The following TEAD1 variants were observed in gnomAD, a reference collection of about 807,000 sequenced individuals.
The protein encoded by TEAD1 is transcriptional enhancer factor TEF-1.
A neutral mutation model predicts 54.9 loss-of-function variants in TEAD1; 9 were observed. That is an observed-to-expected ratio of 0.16 (90% CI 0.10 to 0.29). The LOEUF (loss-of-function observed/expected upper bound fraction) is 0.29. Among genes scored for constraint, TEAD1 ranks in the 10% least tolerant of loss-of-function variants. TEAD1 has a pLI of 1.00. For missense variants in TEAD1, 387 were observed against 535.9 expected (o/e 0.72, Z 2.74); for synonymous variants, 200 against 187.8 (o/e 1.07, Z -0.53).
chr11:12,733,135 G>A (rs906492081), intron 2 of TEAD1, among the ~76,000 whole-genome samples: 2 of 152,226 alleles, frequency 1.3e-5, no homozygotes, highest in African/African-American at 4.8e-5. Context: ...TGTTAAAGGA[G>A]AGTAATACTA....
chr11:12,905,336 A>G (rs1589977065), intron 10 of TEAD1, among the ~76,000 whole-genome samples: 1 of 152,170 alleles, frequency 6.6e-6, no homozygotes, highest in Admixed American at 6.5e-5. Context: ...AGCTGTTGGG[A>G]GATGTGCAAA....
intron 3 of TEAD1, among the ~76,000 whole-genome samples, chr11:12,805,181 G>T (rs919533490): frequency 7.9e-5 from 12 of 152,202 alleles, no homozygotes; most frequent in African/African-American, 2.7e-4. Flanking sequence ...AAAATTTCCA[G>T]TCATGAAAAT....
At chr11:12,688,418 T>C (rs1240410797) in intron 2 of TEAD1, among the ~76,000 whole-genome samples, 1 of 152,232 alleles carries the variant, frequency 6.6e-6, no homozygotes, top group African/African-American at 2.4e-5. Flanking sequence ...CTGGTGTCTC[T>C]CAGCTAAAAG....
At chr11:12,894,820 C>T (rs538257328) in intron 9 of TEAD1, among the ~76,000 whole-genome samples, 5 of 152,230 alleles carry the variant, frequency 3.3e-5, no homozygotes, top group Admixed American at 2.0e-4. Flanking sequence ...ATGATTCTTC[C>T]GGAAAGTAAT....
intron 9 of TEAD1, among the ~76,000 whole-genome samples, chr11:12,888,868 C>T (rs1170708265): frequency 6.6e-6 from 1 of 152,142 alleles, no homozygotes. Flanking sequence ...GCTATACGGT[C>T]CATTTGTAGC....
At chr11:12,708,745 A>G (rs1255142905) in intron 2 of TEAD1, among the ~76,000 whole-genome samples, 1 of 152,184 alleles carries the variant, frequency 6.6e-6, no homozygotes, top group Non-Finnish European at 1.5e-5. Context: ...GTAAAACCAT[A>G]CAGTGGAATA....
intron 2 of TEAD1, among the ~76,000 whole-genome samples, chr11:12,687,736 G>A (rs977930112): frequency 1.3e-5 from 2 of 152,062 alleles, no homozygotes; most frequent in African/African-American, 4.8e-5. Flanking sequence ...TGAAAAGTTG[G>A]GTGTGTCTCA....
At chr11:12,679,813 T>C (rs1015800485) in intron 2 of TEAD1, among the ~76,000 whole-genome samples, 1 of 152,162 alleles carries the variant, frequency 6.6e-6, no homozygotes, top group Non-Finnish European at 1.5e-5. Flanking sequence ...TGTTGTCTGC[T>C]TAGGTGTGAG....
At chr11:12,775,758 T>G (rs1945403410) in intron 3 of TEAD1, among the ~76,000 whole-genome samples, 1 of 152,208 alleles carries the variant, frequency 6.6e-6, no homozygotes, top group African/African-American at 2.4e-5. Flanking sequence ...TATAGGAGAC[T>G]CGGTTTCTAT....
chr11:12,832,157 G>C (rs1946797435), intron 3 of TEAD1, among the ~76,000 whole-genome samples: 1 of 152,052 alleles, frequency 6.6e-6, no homozygotes, highest in Non-Finnish European at 1.5e-5. Context: ...TAGGTTACAG[G>C]TTTTTTGTTT....
chr11:12,865,093 G>C, intron 5 of TEAD1, 193 bp downstream of exon 5: 1 of 684,458 alleles, frequency 1.5e-6, no homozygotes. Context: ...GTGTGTGAGC[G>C]CGTGTGTGTG....
At chr11:12,934,124 C>A (rs1949057655) in intron 12 of TEAD1, among the ~76,000 whole-genome samples, 1 of 152,180 alleles carries the variant, frequency 6.6e-6, no homozygotes, top group African/African-American at 2.4e-5. Flanking sequence ...CTAGCAAAGA[C>A]TTGGAACCAA....
intron 2 of TEAD1, among the ~76,000 whole-genome samples, chr11:12,720,546 C>T (rs1944172983): frequency 1.3e-5 from 2 of 152,134 alleles, no homozygotes; most frequent in African/African-American, 2.4e-5. Flanking sequence ...TATTACTCCC[C>T]TGTATAAATA....
chr11:12,692,859 A>C (rs910225945), intron 2 of TEAD1, among the ~76,000 whole-genome samples: 2 of 152,198 alleles, frequency 1.3e-5, no homozygotes, highest in South Asian at 2.1e-4. Flanking sequence ...CGGCCCCTGC[A>C]CTTTGGCCTT....
chr11:12,754,149 A>G (rs911992388), intron 2 of TEAD1, among the ~76,000 whole-genome samples: 1 of 152,204 alleles, frequency 6.6e-6, no homozygotes, highest in African/African-American at 2.4e-5. Flanking sequence ...TTGAGGTTTC[A>G]TATTGGGCAG....
At chr11:12,795,065 A>G (rs1325191483) in intron 3 of TEAD1, among the ~76,000 whole-genome samples, 2 of 152,258 alleles carry the variant, frequency 1.3e-5, no homozygotes, top group Admixed American at 1.3e-4. Context: ...ATTTTCTCAC[A>G]GTTCTGGAGG....
rs955493938 is a variant in TEAD1 at position 12,940,010 on chromosome 11, C to G, written c.*2788C>G. 1 of 152,238 alleles carries G rather than the reference C, an allele frequency of 6.6e-6. No homozygotes were observed. Among genetic ancestry groups the G allele is most frequent in the Non-Finnish European group, 1.5e-5 (1 of 68,076 alleles). 9.4% of individuals were successfully genotyped at this position (152,238 alleles called of 1,614,324 possible). On this transcript the variant is annotated 3_prime_UTR_variant, in exon 13 of 13. Transcript: ENST00000527636. ...TGCTTCTCTTCCAGGTGCTCTATCC[C>G]CTCGAGACCCTCTGGTGCCAGGCTT...
rs1042044065 is a variant in TEAD1, at chr11:12,782,750, C to T, written c.202+18316C>T. Among the ~76,000 whole-genome samples, 3 of 152,064 alleles carry T rather than the reference C, an allele frequency of 2.0e-5. No individual in the cohort carries two copies. In the South Asian group the frequency reaches 6.2e-4, roughly 32 times the overall value. The stretch of plus-strand genomic sequence containing the variant: ...ACTCTCTGACTTCATGTGCAGAGCA[C>T]GTTTATAGTAGCAAAGATGGAAAGA... On this transcript the variant is annotated intron_variant, in intron 3 of 12. Transcript: ENST00000527636.
intron 5 of TEAD1, among the ~76,000 whole-genome samples, chr11:12,874,459 A>T (rs1390106399): frequency 6.6e-6 from 1 of 152,202 alleles, no homozygotes; most frequent in African/African-American, 2.4e-5. Flanking sequence ...CAACCATAAA[A>T]AGGAGGCAAT....
Sources: gnomAD v4.1 joint callset for allele counts (sites outside exome capture counted in the v4.1 genomes callset) on GRCh38, gnomAD v4.1.1 for gene constraint, MANE v1.5 for transcripts, NCBI Gene and HGNC (gene_info 2026-07-23, HGNC 2026-07-21) for gene names.